The following KAZALD1 variants were observed in gnomAD, a reference collection of about 807,000 sequenced individuals.
KAZALD1 encodes kazal-type serine protease inhibitor domain-containing protein 1.
In KAZALD1, 31 loss-of-function variants were observed where a neutral mutation model predicts 27.7. That is an observed-to-expected ratio of 1.12 (90% CI 0.84 to 1.51). The LOEUF is 1.51. Ranked by LOEUF, KAZALD1 falls within the 40% of genes most tolerant of loss-of-function variation. The probability of loss-of-function intolerance (pLI) is 0.00; values close to 1 mark genes in which losing one functional copy is unlikely to be tolerated. For synonymous variants in KAZALD1, 179 were observed against 182.0 expected (o/e 0.98, Z 0.13); for missense variants, 444 against 408.9 (o/e 1.09, Z -0.74).
chr10:101,066,646 A>C lies in KAZALD1; in HGVS notation c.*1726A>C. The C allele has an allele frequency of 5.2e-6, 2 of 384,758 alleles. No homozygotes were observed. The allele number at this position is 384,758 out of a possible 1,614,324, so 23.8% of individuals were successfully genotyped here. Reference sequence around the variant, plus strand: ...TGTGAGTCCCAGCATCAGCCAGGGAATCCGCCCCTAGCTTGTTCTTCGCCC... The same window carrying C: ...TGTGAGTCCCAGCATCAGCCAGGGACTCCGCCCCTAGCTTGTTCTTCGCCC... On this transcript the variant is annotated 3_prime_UTR_variant, in exon 5 of 5. Coordinates refer to ENST00000370200, the MANE Select transcript of KAZALD1 (RefSeq NM_030929.5).
chr10:101,064,489 GC>G lies in KAZALD1; in HGVS notation c.673-10del. 1 of 1,614,166 alleles carries G rather than the reference GC, an allele frequency of 6.2e-7. No individual in the cohort carries two copies. The highest frequency in any genetic ancestry group is 8.5e-7 in the Non-Finnish European group (1 of 1,180,014). ...TCCAGAAGGACCCTGCTGATTCCTTGCCTGGCTCCAGTTTAGGGGTGGACCC... is the reference window on the plus strand; with the variant it reads ...TCCAGAAGGACCCTGCTGATTCCTTGCTGGCTCCAGTTTAGGGGTGGACCC... On this transcript the variant is annotated splice_polypyrimidine_tract_variant and intron_variant, in intron 3 of 4. Transcript: ENST00000370200.
In KAZALD1 at chr10:101,064,588, C is replaced by A; in HGVS notation, c.760C>A (p.Leu254Ile). 1.2e-6 allele frequency: 2 copies of A among 1,614,096 alleles called. No homozygotes were observed. Among genetic ancestry groups the A allele is most frequent in the South Asian group, 1.1e-5 (1 of 91,088 alleles). ...RPSDEGTYRC[L>I]GRNALGQVEA... ...CAGTGATGAGGGCACTTACCGCTGC[C>A]TTGGCCGCAATGCCCTGGGTCAAGT... Residue 254 changes from leucine (L) to isoleucine (I), a missense_variant, in exon 4 of 5, where the codon CTT (leucine) becomes ATT (isoleucine). Transcript: ENST00000370200.
rs754034117 is a variant in KAZALD1 at position 101,064,924 on chromosome 10, C to G, written c.*4C>G. 1 of 1,607,820 alleles carries G rather than the reference C, an allele frequency of 6.2e-7. No individual in the cohort carries two copies. The highest frequency in any genetic ancestry group is 1.7e-5 in the Admixed American group (1 of 60,000). ...AGAGAATGACGATTACTACTAGGTC[C>G]AGAGCTCTGGCCCATGGGGGTGGGT... is the stretch of plus-strand genomic sequence containing the variant. On this transcript the variant is annotated 3_prime_UTR_variant, in exon 5 of 5. Transcript: ENST00000370200.
At position 101,064,380 on chromosome 10, in the gene KAZALD1, G is replaced by T. The variant is rs970873987; in HGVS notation, c.631G>T (p.Asp211Tyr). The change falls in exon 3 of 5, where the codon GAC (aspartate) becomes TAC (tyrosine). Residue 211 changes from aspartate (D) to tyrosine (Y), a missense_variant. By Grantham distance (160) the Asp-to-Tyr change is radical (BLOSUM62 -3). Coordinates refer to ENST00000370200, the MANE Select transcript of KAZALD1 (RefSeq NM_030929.5). ...ASIEWRKDGL[D>Y]IQLPGDDPHI... is the part of the protein sequence containing the mutation. The stretch of plus-strand genomic sequence containing the variant: ...CATCGAGTGGAGGAAGGATGGCTTG[G>T]ACATCCAGCTGCCAGGGGATGACCC... 5.6e-6 allele frequency: 9 copies of T among 1,614,098 alleles called. No homozygotes were observed. Among genetic ancestry groups the T allele is most frequent in the Non-Finnish European group, 7.6e-6 (9 of 1,180,046 alleles).
At position 101,064,401 on chromosome 10, in the gene KAZALD1, G is replaced by A; in HGVS notation, c.652G>A (p.Asp218Asn). 1 of 1,614,200 alleles carries A rather than the reference G, an allele frequency of 6.2e-7. No homozygotes were observed. ...DGLDIQLPGD[D>N]PHISVQFRGG... is the part of the protein sequence containing the mutation. ...CTTGGACATCCAGCTGCCAGGGGAT[G>A]ACCCCCACATCTCTGTGCAGGTAGA... Residue 218 changes from aspartate to asparagine, a missense_variant, in exon 3 of 5, where the codon GAC becomes AAC. Physicochemically the swap from Asp to Asn is conservative, Grantham distance 23. Transcript: ENST00000370200.
downstream of KAZALD1, chr10:101,068,045 T>C (rs1451373046): frequency 2.1e-6 from 1 of 471,548 alleles, no homozygotes; most frequent in Non-Finnish European, 4.4e-6. Flanking sequence ...TGGTGGATCC[T>C]TCTGGTAGTG....
Position 101,066,717 on chromosome 10 carries a change from G to C in KAZALD1, c.*1797G>C, listed in dbSNP as rs1939333894. The C allele has an allele frequency of 2.8e-6, 1 of 351,668 alleles. No homozygotes were observed. The highest frequency in any genetic ancestry group is 5.6e-6 in the Non-Finnish European group (1 of 177,042). 21.8% of individuals were successfully genotyped at this position (351,668 alleles called of 1,614,324 possible). A position where few individuals can be genotyped will look rare whatever the true frequency, so the allele number is the denominator to read the frequency against. ...TCTGCGGGCCCATAGCTCCTACCGC[G>C]TCCACCTGCAGAGCAGAGGCTCCTC... On this transcript the variant is annotated 3_prime_UTR_variant, in exon 5 of 5. Coordinates refer to ENST00000370200, the MANE Select transcript of KAZALD1 (RefSeq NM_030929.5).
Position 101,064,579 on chromosome 10 carries a change from TACC to T in KAZALD1, c.752_754del (p.Tyr251_Arg252delinsCys). ...TGTGCGTCCCAGTGATGAGGGCACTTACCGCTGCCTTGGCCGCAATGCCCTGGG... is the reference window on the plus strand; with the variant it reads ...TGTGCGTCCCAGTGATGAGGGCACTTGCTGCCTTGGCCGCAATGCCCTGGG... On this transcript the variant is annotated inframe_deletion, in exon 4 of 5. Transcript: ENST00000370200. 1 of 1,614,094 alleles carries T rather than the reference TACC, an allele frequency of 6.2e-7. No individual in the cohort carries two copies. The highest frequency in any genetic ancestry group is 8.5e-7 in the Non-Finnish European group (1 of 1,180,008).
At chr10:101,067,532 C>T (rs1590103400), downstream of KAZALD1, 1 of 355,090 alleles carries the variant, frequency 2.8e-6, no homozygotes, top group Non-Finnish European at 5.6e-6. Flanking sequence ...GCTGGGCGTA[C>T]CTCTCTCCTC....
chr10:101,062,847 C>T lies in KAZALD1; in HGVS notation c.255C>T (p.Leu85=). Residue 85 remains leucine (L), a synonymous_variant, in exon 2 of 5, where the codon CTC becomes CTT. Transcript: ENST00000370200. ...ACGCCWECAN[L]EGQLCDLDPS... is the part of the protein sequence containing the mutation. ...GCTGCTGCTGGGAATGCGCCAACCTCGAGGGCCAGCTCTGCGACCTGGACC... is the reference window on the plus strand; with the variant it reads ...GCTGCTGCTGGGAATGCGCCAACCTTGAGGGCCAGCTCTGCGACCTGGACC... The T allele has an allele frequency of 6.3e-7, 1 of 1,595,130 alleles. No individual in the cohort carries two copies. Among genetic ancestry groups the T allele is most frequent in the Non-Finnish European group, 8.5e-7 (1 of 1,176,234 alleles).
chr10:101,063,667 G>C (rs807038), intron 2 of KAZALD1, among the ~76,000 whole-genome samples: 122,838 of 152,220 alleles, frequency 0.81, 49,821 homozygotes, highest in African/African-American at 0.86. Flanking sequence ...TCCTGAGCCC[G>C]GGCTCTGCGT....
Position 101,066,686 on chromosome 10 carries a change from A to ACG in KAZALD1, c.*1768_*1769dup. ...GTTCTTCGCCCAGCTGGGCTCCAAGACGCCCTCTGCGGGCCCATAGCTCCT... is the reference window on the plus strand; with the variant it reads ...GTTCTTCGCCCAGCTGGGCTCCAAGACGCGCCCTCTGCGGGCCCATAGCTCCT... On this transcript the variant is annotated 3_prime_UTR_variant, in exon 5 of 5. Transcript: ENST00000370200. The ACG allele has an allele frequency of 2.8e-6, 1 of 358,902 alleles. No homozygotes were observed. The highest frequency in any genetic ancestry group is 2.1e-5 in the South Asian group (1 of 48,738). The allele number at this position is 358,902 out of a possible 1,614,324, so 22.2% of individuals were successfully genotyped here.
rs370760802 is a variant in KAZALD1 at position 101,064,582 on chromosome 10, C to G, written c.754C>G (p.Arg252Gly). 3.1e-6 allele frequency: 5 copies of G among 1,614,084 alleles called. No individual in the cohort carries two copies. Among genetic ancestry groups the G allele is most frequent in the Middle Eastern group, 1.7e-4 (1 of 6,040 alleles). Residue 252 changes from arginine to glycine, a missense_variant, in exon 4 of 5, where the codon CGC becomes GGC. Coordinates refer to ENST00000370200, the MANE Select transcript of KAZALD1 (RefSeq NM_030929.5). ...GCGTCCCAGTGATGAGGGCACTTACCGCTGCCTTGGCCGCAATGCCCTGGG... is the reference window on the plus strand; with the variant it reads ...GCGTCCCAGTGATGAGGGCACTTACGGCTGCCTTGGCCGCAATGCCCTGGG... Reference protein sequence around the residue: ...AVRPSDEGTYRCLGRNALGQV... With the variant: ...AVRPSDEGTYGCLGRNALGQV...
chr10:101,067,965 T>C (rs1939368759), downstream of KAZALD1: 1 of 471,492 alleles, frequency 2.1e-6, no homozygotes, highest in East Asian at 7.0e-5. Flanking sequence ...CTGCAAGTTT[T>C]GTGCCTTAGC....
chr10:101,062,503 C>G, intron 1 of KAZALD1, 39 bp from the exon 2 acceptor site: 1 of 1,510,456 alleles, frequency 6.6e-7, no homozygotes, highest in Non-Finnish European at 8.8e-7. Context: ...GGCACAGGCC[C>G]TGTTTCTGAC....
Position 101,064,299 on chromosome 10 carries a change from G to T in KAZALD1, c.550G>T (p.Val184Leu). 6.2e-7 allele frequency: 1 copy of T among 1,614,210 alleles called. No individual in the cohort carries two copies. Among genetic ancestry groups the T allele is most frequent in the Non-Finnish European group, 8.5e-7 (1 of 1,180,038 alleles). Residue 184 changes from valine to leucine, a missense_variant, in exon 3 of 5, where the codon GTG becomes TTG. Physicochemically the swap from Val to Leu is conservative, Grantham distance 32. Transcript: ENST00000370200. ...IVSHPYDTWNVTGQDVIFGCE... is the reference protein window; with the variant it reads ...IVSHPYDTWNLTGQDVIFGCE... ...GTCACATCCATATGACACTTGGAATGTGACAGGGCAGGATGTGATCTTTGG... is the reference window on the plus strand; with the variant it reads ...GTCACATCCATATGACACTTGGAATTTGACAGGGCAGGATGTGATCTTTGG...
intron 1 of KAZALD1, 65 bp from the exon 2 acceptor site, chr10:101,062,477 G>T: frequency 1.4e-6 from 2 of 1,450,678 alleles, no homozygotes; most frequent in South Asian, 2.7e-5. Context: ...ACAAGAAGCA[G>T]TGAGGTTGGT....
At chr10:101,063,272 A>G (rs1590098700) in intron 2 of KAZALD1, among the ~76,000 whole-genome samples, 169 bp downstream of exon 2, 1 of 151,974 alleles carries the variant, frequency 6.6e-6, no homozygotes, top group Non-Finnish European at 1.5e-5. Context: ...AAAAGCTGCC[A>G]CCTTAAGGTG....
Position 101,066,708 on chromosome 10 carries a change from T to C in KAZALD1, c.*1788T>C. The C allele has an allele frequency of 2.8e-6, 1 of 353,338 alleles. No individual in the cohort carries two copies. Among genetic ancestry groups the C allele is most frequent in the Non-Finnish European group, 5.6e-6 (1 of 177,934 alleles). 21.9% of individuals were successfully genotyped at this position (353,338 alleles called of 1,614,324 possible). On this transcript the variant is annotated 3_prime_UTR_variant, in exon 5 of 5. Coordinates refer to ENST00000370200, the MANE Select transcript of KAZALD1 (RefSeq NM_030929.5). Reference sequence around the variant, plus strand: ...AAGACGCCCTCTGCGGGCCCATAGCTCCTACCGCGTCCACCTGCAGAGCAG... The same window carrying C: ...AAGACGCCCTCTGCGGGCCCATAGCCCCTACCGCGTCCACCTGCAGAGCAG...
Sources: gnomAD v4.1 joint callset for allele counts (sites outside exome capture counted in the v4.1 genomes callset) on GRCh38, gnomAD v4.1.1 for gene constraint, MANE v1.5 for transcripts, NCBI Gene and HGNC (gene_info 2026-07-23, HGNC 2026-07-21) for gene names.